Variants in LINGO2 observed in about 807,000 individuals in gnomAD.
LINGO2 encodes the protein leucine-rich repeat and immunoglobulin-like domain-containing nogo receptor-interacting protein 2.
Under a neutral mutation model 30.6 loss-of-function variants are expected in LINGO2, and 14 were observed. The ratio of observed to expected loss-of-function variants is 0.46; its 90% CI spans 0.30 to 0.72. LINGO2 has a LOEUF of 0.72. LINGO2 is among the 30% of genes least tolerant of loss of function. The pLI is 0.07. For missense variants in LINGO2, 729 were observed against 751.7 expected (o/e 0.97, Z 0.35); for synonymous variants, 317 against 288.5 (o/e 1.10, Z -1.00).
At chr9:28,438,873 TTATA>T (rs1371096706) in intron 2 of LINGO2, among the ~76,000 whole-genome samples, 1 of 144,052 alleles carries the variant, frequency 6.9e-6, no homozygotes, top group Non-Finnish European at 1.5e-5. Flanking sequence ...TATTTATACA[TTATA>T]TATAGTGAAA....
At chr9:28,953,360 AT>A in the LINGO2 span, among the ~76,000 whole-genome samples, 1 of 152,138 alleles carries the variant, frequency 6.6e-6, no homozygotes, top group Admixed American at 6.6e-5. Context: ...AAGAGCATTA[AT>A]TAATGTATAT....
intron 4 of LINGO2, among the ~76,000 whole-genome samples, chr9:28,141,439 A>G (rs1229893701): frequency 6.6e-6 from 1 of 152,230 alleles, no homozygotes; most frequent in Non-Finnish European, 1.5e-5. Context: ...GGGAAGCCTC[A>G]CATAAAAAAG....
At chr9:29,060,084 G>T in the LINGO2 span, among the ~76,000 whole-genome samples, 3 of 152,022 alleles carry the variant, frequency 2.0e-5, no homozygotes, top group Non-Finnish European at 2.9e-5. Flanking sequence ...TGACTCACAA[G>T]TAATTGAATA....
At chr9:28,095,506 T>C (rs1271208144) in intron 4 of LINGO2, among the ~76,000 whole-genome samples, 1 of 151,982 alleles carries the variant, frequency 6.6e-6, no homozygotes, top group South Asian at 2.1e-4. Context: ...TGGCTAGCCA[T>C]ATGTAGAAAG....
chr9:28,477,416 T>C (rs1045930133), intron 1 of LINGO2, among the ~76,000 whole-genome samples: 5 of 152,174 alleles, frequency 3.3e-5, no homozygotes, highest in Non-Finnish European at 7.4e-5. Flanking sequence ...GGGTAGGATT[T>C]GAACTTTTTC....
chr9:28,274,033 G>A (rs1490475367), intron 4 of LINGO2, among the ~76,000 whole-genome samples: 4 of 152,084 alleles, frequency 2.6e-5, no homozygotes, highest in African/African-American at 9.7e-5. Context: ...TCAACCAGAA[G>A]AAGAGAAGAT....
At chr9:28,597,174 C>G (rs933204158) in intron 1 of LINGO2, among the ~76,000 whole-genome samples, 5 of 151,966 alleles carry the variant, frequency 3.3e-5, no homozygotes, top group African/African-American at 9.7e-5. Context: ...TGCCTGGGGA[C>G]CAATTTAATT....
chr9:29,115,739 T>C, the LINGO2 span, among the ~76,000 whole-genome samples: 2 of 152,052 alleles, frequency 1.3e-5, no homozygotes, highest in African/African-American at 2.4e-5. Context: ...AGAATACTAA[T>C]GTAATGCATG....
At chr9:28,792,418 C>T in the LINGO2 span, among the ~76,000 whole-genome samples, 3 of 151,978 alleles carry the variant, frequency 2.0e-5, no homozygotes, top group East Asian at 1.9e-4. Flanking sequence ...AATGAAGAAT[C>T]CCTCTAAAAT....
the LINGO2 span, among the ~76,000 whole-genome samples, chr9:29,071,414 C>T: frequency 1.4e-5 from 2 of 147,654 alleles, no homozygotes; most frequent in African/African-American, 5.0e-5. Flanking sequence ...GATAAAACTG[C>T]ATTTTGAGGA....
intron 5 of LINGO2, among the ~76,000 whole-genome samples, chr9:27,963,171 A>C (rs142362065): frequency 6.6e-6 from 1 of 152,296 alleles, no homozygotes; most frequent in African/African-American, 2.4e-5. Flanking sequence ...ATTTTTGATA[A>C]CACAGAATAA....
At chr9:28,028,641 A>G (rs1254403006) in intron 4 of LINGO2, among the ~76,000 whole-genome samples, 2 of 152,184 alleles carry the variant, frequency 1.3e-5, no homozygotes, top group East Asian at 1.9e-4. Context: ...ATGGCATAGT[A>G]TTTGCATGTA....
At chr9:27,979,706 G>A (rs1820765250) in intron 5 of LINGO2, among the ~76,000 whole-genome samples, 1 of 151,912 alleles carries the variant, frequency 6.6e-6, no homozygotes, top group African/African-American at 2.4e-5. Context: ...CAATGTCACT[G>A]TAATTTGGAA....
In LINGO2 at chr9:28,089,519, G is replaced by C. The variant is rs141289596; in HGVS notation, c.-86-77114C>G. Among the ~76,000 whole-genome samples, 362 of 152,184 alleles carry C rather than the reference G, an allele frequency of 2.4e-3. 2 individuals carry two copies. Among genetic ancestry groups the C allele is most frequent in the African/African-American group, 8.3e-3 (346 of 41,524 alleles). ...ATAAAGATGTTTTTTGAACCAATGA[G>C]AACAAAGACACATCATACCAGAATC... On this transcript the variant is annotated intron_variant, in intron 4 of 5. Coordinates refer to ENST00000379992, the Ensembl canonical transcript of LINGO2.
the LINGO2 span, among the ~76,000 whole-genome samples, chr9:28,862,382 A>G: frequency 6.6e-6 from 1 of 152,102 alleles, no homozygotes; most frequent in Non-Finnish European, 1.5e-5. Flanking sequence ...TAGGTAAAGC[A>G]TTTCCAATCA....
chr9:27,956,642 C>T (rs1046703488), intron 5 of LINGO2, among the ~76,000 whole-genome samples: 1 of 151,876 alleles, frequency 6.6e-6, no homozygotes, highest in African/African-American at 2.4e-5. Context: ...AAGATTTTCT[C>T]CTATGTATTC....
chr9:27,961,742 T>G (rs1195883444), intron 5 of LINGO2, among the ~76,000 whole-genome samples: 1 of 152,198 alleles, frequency 6.6e-6, no homozygotes, highest in Non-Finnish European at 1.5e-5. Flanking sequence ...AGGCTGTTAA[T>G]TCAAGTCAGA....
the LINGO2 span, among the ~76,000 whole-genome samples, chr9:29,171,560 T>C: frequency 6.6e-6 from 1 of 151,834 alleles, no homozygotes; most frequent in South Asian, 2.1e-4. Context: ...ATGGTATATA[T>C]AATATTAAAT....
chr9:28,295,578 A>C (rs1445222007), intron 3 of LINGO2, among the ~76,000 whole-genome samples: 1 of 152,142 alleles, frequency 6.6e-6, no homozygotes, highest in South Asian at 2.1e-4. Flanking sequence ...GTCCCTCTGC[A>C]TGTTGTTATT....
Sources: gnomAD v4.1 joint callset for allele counts (sites outside exome capture counted in the v4.1 genomes callset) on GRCh38, gnomAD v4.1.1 for gene constraint, MANE v1.5 for transcripts, NCBI Gene and HGNC (gene_info 2026-07-23, HGNC 2026-07-21) for gene names.